The following RPS6KA6 variants were observed in gnomAD, a reference collection of about 807,000 sequenced individuals.
RPS6KA6 encodes the protein ribosomal protein S6 kinase A6, also known as ribosomal protein S6 kinase alpha-6.
In RPS6KA6, 27 loss-of-function variants were observed where a neutral mutation model predicts 65.4. The observed-to-expected ratio is 0.41, with a 90% CI of 0.30 to 0.57. The LOEUF (loss-of-function observed/expected upper bound fraction) is 0.57, where lower values mean the gene tolerates loss of function less well. RPS6KA6 is among the 20% of genes least tolerant of loss of function. RPS6KA6 has a pLI of 0.24. For synonymous variants in RPS6KA6, 190 were observed against 184.2 expected (o/e 1.03, Z -0.26); for missense variants, 486 against 555.6 (o/e 0.87, Z 1.26).
chrX:84,134,181 C>T (rs1322276886), intron 8 of RPS6KA6, among the ~76,000 whole-genome samples: 2 of 111,790 alleles, frequency 1.8e-5, no homozygotes, highest in Non-Finnish European at 3.8e-5. Flanking sequence ...CTTTTTACTG[C>T]TGAGTAGTAT....
rs1180723492 is a variant in RPS6KA6, at chrX:84,109,775, C to G, written c.1009-2050G>C. 1.7e-4 allele frequency among the ~76,000 whole-genome samples: 19 copies of G among 110,574 alleles called. No homozygotes were observed. The Admixed American group carries it at 1.8e-3, about 11-fold the overall frequency. On this transcript the variant is annotated intron_variant, in intron 12 of 21. Coordinates refer to ENST00000262752, the MANE Select transcript of RPS6KA6 (RefSeq NM_014496.5). ...CCCTATCATAGCCAGCAGCAGGAGT[C>G]TAGAGACTTAACAAGTCCACTGGCC...
chrX:84,166,980 T>A (rs1280085439), intron 1 of RPS6KA6, among the ~76,000 whole-genome samples: 2 of 110,315 alleles, frequency 1.8e-5, no homozygotes, highest in Admixed American at 1.9e-4. Flanking sequence ...TTCCCAAATT[T>A]GAAAAAAAAA....
rs1361849289 is a variant in RPS6KA6, at chrX:84,059,345, G to T, written c.*4932C>A. 1 of 109,485 alleles carries T rather than the reference G, an allele frequency of 9.1e-6. No individual in the cohort carries two copies. The highest frequency in any genetic ancestry group is 1.9e-5 in the Non-Finnish European group (1 of 52,683). 9.0% of individuals were successfully genotyped at this position (109,485 alleles called of 1,213,427 possible). A position where few individuals can be genotyped will look rare whatever the true frequency, so the allele number is the denominator to read the frequency against. On this transcript the variant is annotated 3_prime_UTR_variant, in exon 22 of 22. Coordinates refer to ENST00000262752, the MANE Select transcript of RPS6KA6 (RefSeq NM_014496.5). ...GGGTTTCTCCATGTTGGTCAGGCTGGTCTCGAATTCCTGACCTCAGGTGAT... is the reference window on the plus strand; with the variant it reads ...GGGTTTCTCCATGTTGGTCAGGCTGTTCTCGAATTCCTGACCTCAGGTGAT...
intron 2 of RPS6KA6, among the ~76,000 whole-genome samples, chrX:84,161,180 G>A (rs1208073184): frequency 9.0e-6 from 1 of 111,306 alleles, no homozygotes; most frequent in African/African-American, 3.3e-5. Flanking sequence ...TAAACCTATT[G>A]TAAGTTGAAA....
At chrX:84,164,218 T>C in intron 2 of RPS6KA6, 110 bp downstream of exon 2, 1 of 577,345 alleles carries the variant, frequency 1.7e-6, no homozygotes, top group East Asian at 3.5e-5. Context: ...CATTTGCTTA[T>C]TACCAACTTA....
At chrX:84,160,075 C>A (rs1390386070) in intron 2 of RPS6KA6, among the ~76,000 whole-genome samples, 1 of 111,387 alleles carries the variant, frequency 9.0e-6, no homozygotes, top group Non-Finnish European at 1.9e-5. Flanking sequence ...ATAATCTTAG[C>A]TGATCTTTGA....
intron 12 of RPS6KA6, among the ~76,000 whole-genome samples, chrX:84,108,571 A>T (rs1446138654): frequency 9.0e-6 from 1 of 111,638 alleles, no homozygotes; most frequent in South Asian, 3.8e-4. Context: ...CGATGCAGGG[A>T]AGGGAAGATT....
At chrX:84,150,860 G>GGATATATATATATAGAGGATATATAT (rs1555956228) in intron 3 of RPS6KA6, among the ~76,000 whole-genome samples, 13 of 93,454 alleles carry the variant, frequency 1.4e-4, no homozygotes, top group Middle Eastern at 6.8e-3. Context: ...TATATATATA[G>GGATATATATATATAGAGGATATATAT]AGGATATATA....
chrX:84,116,291 TA>T lies in RPS6KA6; in HGVS notation c.950-5del, dbSNP rs755084989. ...ATTTCTTCAACTCCTTCTGATCCTA[TA>T]AAAAAAAGAAATGATATTTTATTTT... On this transcript the variant is annotated splice_polypyrimidine_tract_variant and splice_region_variant and intron_variant, in intron 11 of 21. Coordinates refer to ENST00000262752, the MANE Select transcript of RPS6KA6 (RefSeq NM_014496.5). The T allele has an allele frequency of 3.8e-5, 40 of 1,057,697 alleles. No individual in the cohort carries two copies. Among genetic ancestry groups the T allele is most frequent in the South Asian group, 1.1e-4 (5 of 46,183 alleles). The allele number at this position is 1,057,697 out of a possible 1,213,427, so 87.2% of individuals were successfully genotyped here.
intron 18 of RPS6KA6, 36 bp from the exon 19 acceptor site, chrX:84,097,884 A>G: frequency 1.1e-6 from 1 of 951,763 alleles, no homozygotes; most frequent in Non-Finnish European, 1.5e-6. Flanking sequence ...GTGTTACTCA[A>G]TATAAACTCA....
intron 20 of RPS6KA6, among the ~76,000 whole-genome samples, chrX:84,082,017 T>C (rs1463564649): frequency 8.9e-6 from 1 of 111,994 alleles, no homozygotes; most frequent in Admixed American, 9.5e-5. Context: ...CTGGAAGCAT[T>C]CCCTTTGAAA....
chrX:84,073,815 T>C (rs779469851), intron 20 of RPS6KA6, among the ~76,000 whole-genome samples: 23 of 108,973 alleles, frequency 2.1e-4, no homozygotes, highest in South Asian at 7.8e-4. Flanking sequence ...GAAATACAAA[T>C]CAAAACCATA....
chrX:84,184,909 C>T (rs757719020), intron 1 of RPS6KA6, among the ~76,000 whole-genome samples: 3 of 106,855 alleles, frequency 2.8e-5, no homozygotes, highest in African/African-American at 1.0e-4. Context: ...AAGTACTACA[C>T]GTTTACTATG....
At chrX:84,127,477 G>GT (rs1288491645) in intron 8 of RPS6KA6, among the ~76,000 whole-genome samples, 1 of 111,247 alleles carries the variant, frequency 9.0e-6, no homozygotes, top group Non-Finnish European at 1.9e-5. Context: ...TATGAGGCAA[G>GT]TATTACCCTG....
intron 20 of RPS6KA6, among the ~76,000 whole-genome samples, chrX:84,081,150 C>T (rs770745196): frequency 6.3e-5 from 7 of 111,305 alleles, no homozygotes; most frequent in East Asian, 2.8e-4. Context: ...GACAGAGACA[C>T]GAAAACCCTT....
intron 9 of RPS6KA6, among the ~76,000 whole-genome samples, chrX:84,118,073 T>C (rs950359380): frequency 8.9e-6 from 1 of 111,769 alleles, no homozygotes; most frequent in Non-Finnish European, 1.9e-5. Flanking sequence ...GAACATTAAA[T>C]AATGGTATAA....
At chrX:84,117,249 G>C (rs1160618997) in intron 10 of RPS6KA6, 101 bp from the exon 11 acceptor site, 12 of 676,153 alleles carry the variant, frequency 1.8e-5, no homozygotes, top group Non-Finnish European at 2.7e-5. Context: ...CAAGGGTACA[G>C]TCCTGTATAT....
intron 20 of RPS6KA6, among the ~76,000 whole-genome samples, chrX:84,069,623 A>C (rs2033487687): frequency 8.9e-6 from 1 of 112,015 alleles, no homozygotes; most frequent in Non-Finnish European, 1.9e-5. Context: ...TGGAGTGAAC[A>C]GGCAACCTAC....
chrX:84,155,040 T>A (rs1339778758), intron 3 of RPS6KA6, among the ~76,000 whole-genome samples: 1 of 105,452 alleles, frequency 9.5e-6, no homozygotes, highest in African/African-American at 3.4e-5. Context: ...TGTCCAGAAA[T>A]TTTTTTTTTT....
Sources: allele counts gnomAD v4.1 joint callset (sites outside exome capture counted in the v4.1 genomes callset), GRCh38; gene constraint gnomAD v4.1.1; transcripts MANE v1.5; gene names NCBI Gene and HGNC (gene_info 2026-07-23, HGNC 2026-07-21).